Variants in DAPK2 observed in about 807,000 individuals in gnomAD.
The protein encoded by DAPK2 is death associated protein kinase 2, also known as death-associated protein kinase 2.
In DAPK2, 35 loss-of-function variants were observed where a neutral mutation model predicts 44.1. That is an observed-to-expected ratio of 0.79 (90% confidence interval 0.61 to 1.05). The LOEUF (loss-of-function observed/expected upper bound fraction) is 1.05. DAPK2 is among the 50% of genes least tolerant of loss of function. The pLI, the probability that DAPK2 is intolerant of heterozygous loss-of-function variation, is 0.00. For missense variants in DAPK2, 453 were observed against 483.2 expected (o/e 0.94, Z 0.59); for synonymous variants, 174 against 182.6 (o/e 0.95, Z 0.38).
chr15:63,942,338 G>A lies in DAPK2; in HGVS notation c.454-2977C>T, dbSNP rs948000082. Reference sequence around the variant, plus strand: ...GGCCAAGGCAGGGGGTATCACCTGAGGTCAGGCGTTCGAGACCAGCCTGGC... The same window carrying A: ...GGCCAAGGCAGGGGGTATCACCTGAAGTCAGGCGTTCGAGACCAGCCTGGC... On this transcript the variant is annotated intron_variant, in intron 3 of 10. Coordinates refer to ENST00000261891, the Ensembl canonical transcript of DAPK2. 4 of 723,012 alleles carry A rather than the reference G, an allele frequency of 5.5e-6. No individual in the cohort carries two copies. In the African/African-American group the frequency reaches 7.7e-5, roughly 14 times the overall value. 44.8% of individuals were successfully genotyped at this position (723,012 alleles called of 1,614,324 possible).
intron 1 of DAPK2, among the ~76,000 whole-genome samples, chr15:64,034,442 G>C (rs1006201406): frequency 6.6e-6 from 1 of 152,154 alleles, no homozygotes. Flanking sequence ...TTCCCCCGCC[G>C]AAGTCTCTCA....
intron 1 of DAPK2, among the ~76,000 whole-genome samples, chr15:64,024,913 G>T (rs900055092): frequency 8.5e-5 from 13 of 152,174 alleles, no homozygotes; most frequent in Non-Finnish European, 1.5e-4. Context: ...CAGGATTCAA[G>T]ATCAGGGTCC....
Position 63,913,862 on chromosome 15 carries a change from A to G in DAPK2, c.859-1665T>C, listed in dbSNP as rs138742783. ...TCCCTCCCTGACATGAACAAGGCAC[A>G]TGTATGCTCCTTTATGAAGTCCAGC... On this transcript the variant is annotated intron_variant, in intron 8 of 10. Transcript: ENST00000261891. Among the ~76,000 whole-genome samples the G allele has an allele frequency of 2.0e-5, 3 of 152,302 alleles. No homozygotes were observed. The East Asian group carries it at 5.8e-4, about 29-fold the overall frequency.
chr15:63,925,819 G>A, intron 7 of DAPK2, 122 bp downstream of exon 8: 1 of 1,295,484 alleles, frequency 7.7e-7, no homozygotes, highest in Non-Finnish European at 1.1e-6. Flanking sequence ...CACCTGCCCG[G>A]ATTAGACCAC....
At chr15:63,975,088 G>T (rs1381110020) in intron 2 of DAPK2, among the ~76,000 whole-genome samples, 1 of 152,126 alleles carries the variant, frequency 6.6e-6, no homozygotes, top group African/African-American at 2.4e-5. Flanking sequence ...AGGGGGCTTA[G>T]AATTTAATTT....
chr15:64,033,832 G>A lies in DAPK2; in HGVS notation c.92+6338C>T, dbSNP rs144556437. ...CTGAGGCAGAAGAATGGTGTGAACCGTGAACCCGGGAGGCAGAGCTTGCAG... is the reference window on the plus strand; with the variant it reads ...CTGAGGCAGAAGAATGGTGTGAACCATGAACCCGGGAGGCAGAGCTTGCAG... On this transcript the variant is annotated intron_variant, in intron 1 of 10. Transcript: ENST00000261891. Among the ~76,000 whole-genome samples the A allele has an allele frequency of 7.6e-3, 1,151 of 151,830 alleles. 6 individuals carry two copies. The highest frequency in any genetic ancestry group is 0.02 in the African/African-American group (816 of 41,408).
At chr15:64,039,320 C>A (rs2080294731) in intron 1 of DAPK2, among the ~76,000 whole-genome samples, 1 of 152,220 alleles carries the variant, frequency 6.6e-6, no homozygotes, top group African/African-American at 2.4e-5. Flanking sequence ...AAGTGCCAAG[C>A]TCATGGGAGA....
exon 3 of DAPK2, chr15:63,971,434 A>C: frequency 6.2e-7 from 1 of 1,614,182 alleles, no homozygotes; most frequent in Non-Finnish European, 8.5e-7. Flanking sequence ...TTGAGATCAA[A>C]GTGAGCAATT....
chr15:63,983,075 C>A (rs2078568415), intron 2 of DAPK2, among the ~76,000 whole-genome samples: 1 of 152,170 alleles, frequency 6.6e-6, no homozygotes, highest in Admixed American at 6.5e-5. Context: ...TGGACTTTCC[C>A]CAGGAAAGGG....
Position 63,966,759 on chromosome 15 carries a change from C to A in DAPK2, c.453+4664G>T, listed in dbSNP as rs1011586601. Among the ~76,000 whole-genome samples the A allele has an allele frequency of 2.6e-5, 4 of 152,188 alleles. No individual in the cohort carries two copies. Among genetic ancestry groups the A allele is most frequent in the Non-Finnish European group, 4.4e-5 (3 of 68,034 alleles). ...CCACAATTGCTGCACTCTCCCTCCC[C>A]CAAGTGCACAGGTTCTTTCTCCATG... On this transcript the variant is annotated intron_variant, in intron 3 of 10. Coordinates refer to ENST00000261891, the Ensembl canonical transcript of DAPK2. The surrounding 1 kb of genome is among the most constrained non-coding windows in gnomAD (Gnocchi z 5.5).
At chr15:63,924,755 G>C in intron 8 of DAPK2, 61 bp downstream of exon 9, 2 of 1,593,910 alleles carry the variant, frequency 1.3e-6, no homozygotes, top group African/African-American at 2.7e-5. Flanking sequence ...GGCTGCCCAG[G>C]CCAACCCTGG....
Position 63,952,894 on chromosome 15 carries a change from C to T in DAPK2, c.454-13533G>A, listed in dbSNP as rs546109362. On this transcript the variant is annotated intron_variant, in intron 3 of 10. Coordinates refer to ENST00000261891, the Ensembl canonical transcript of DAPK2. ...GTGCTATCAAATACTAGATCATCTT[C>T]ATTTATCTAACTACATATTTGTACC... Among the ~76,000 whole-genome samples, 562 of 152,192 alleles carry T rather than the reference C, an allele frequency of 3.7e-3. 4 individuals carry two copies. Among genetic ancestry groups the T allele is most frequent in the Admixed American group, 5.0e-3 (77 of 15,280 alleles).
chr15:63,962,503 T>G (rs746197916), intron 3 of DAPK2, among the ~76,000 whole-genome samples: 10 of 152,250 alleles, frequency 6.6e-5, no homozygotes, highest in Non-Finnish European at 1.0e-4. Context: ...TGGTCTTTGA[T>G]GATGGTGACG....
chr15:64,026,663 G>A (rs1034974503), intron 1 of DAPK2, among the ~76,000 whole-genome samples: 14 of 152,162 alleles, frequency 9.2e-5, no homozygotes, highest in Non-Finnish European at 1.6e-4. Context: ...CAAATGGTAC[G>A]CTCTCAGAAA....
exon 2 of DAPK2, chr15:63,983,753 C>T: frequency 6.2e-7 from 1 of 1,610,294 alleles, no homozygotes; most frequent in Middle Eastern, 1.6e-4. Context: ...GCAAACTGGC[C>T]ACTGTGGGGA....
intron 3 of DAPK2, among the ~76,000 whole-genome samples, chr15:63,963,203 C>T (rs1038327728): frequency 1.8e-4 from 27 of 152,132 alleles, no homozygotes; most frequent in Non-Finnish European, 1.5e-5. Flanking sequence ...ATTGGAAAAG[C>T]GCAGTATTAG....
chr15:63,939,310 G>T lies in DAPK2; in HGVS notation c.505C>A (p.Leu169Met). The change falls in exon 4 of 11, where the codon CTG (leucine) becomes ATG (methionine). Residue 169 changes from leucine (L) to methionine (M), a missense_variant. Coordinates refer to ENST00000261891, the Ensembl canonical transcript of DAPK2. This position sits in a 1 kb window ranked among gnomAD's most constrained non-coding sequence, Gnocchi z 4.3. Reference sequence around the variant, plus strand: ...TCGTGAGCCAGACCAAAGTCAATCAGCTTGATGTGTGGAATGGGAATATTC... The same window carrying T: ...TCGTGAGCCAGACCAAAGTCAATCATCTTGATGTGTGGAATGGGAATATTC... 6.2e-7 allele frequency: 1 copy of T among 1,613,262 alleles called. No individual in the cohort carries two copies. The highest frequency in any genetic ancestry group is 8.5e-7 in the Non-Finnish European group (1 of 1,179,906).
intron 1 of DAPK2, among the ~76,000 whole-genome samples, chr15:64,034,704 T>G (rs933571982): frequency 6.6e-6 from 1 of 152,234 alleles, no homozygotes; most frequent in Non-Finnish European, 1.5e-5. Context: ...TCGAGAAGTT[T>G]CTGCCTTTGA....
intron 7 of DAPK2, 99 bp from the exon 9 acceptor site, chr15:63,924,960 T>C: frequency 1.5e-6 from 2 of 1,327,926 alleles, no homozygotes; most frequent in Admixed American, 2.0e-5. Flanking sequence ...TTTGGCATTA[T>C]TTGGCCACTG....
Sources: gnomAD v4.1 joint callset for allele counts (sites outside exome capture counted in the v4.1 genomes callset) on GRCh38, gnomAD v4.1.1 for gene constraint, Gnocchi (gnomAD v3.1) non-coding constraint, MANE v1.5 for transcripts, NCBI Gene and HGNC (gene_info 2026-07-23, HGNC 2026-07-21) for gene names.